Variants in ERCC3 observed in about 807,000 individuals in gnomAD.
ERCC3 encodes the protein general transcription and DNA repair factor IIH helicase/translocase subunit XPB.
A neutral mutation model predicts 94.2 loss-of-function variants in ERCC3; 66 were observed. The ratio of observed to expected loss-of-function variants is 0.70; its 90% CI spans 0.57 to 0.86. ERCC3 has a LOEUF of 0.86. ERCC3 is among the 40% of genes least tolerant of loss of function. The pLI is 0.00. For synonymous variants in ERCC3, 349 were observed against 369.1 expected, an observed-to-expected ratio of 0.95 and a Z score of 0.63; for missense variants, 829 against 987.1, an observed-to-expected ratio of 0.84 and a Z score of 2.15.
chr2:127,259,576 T>C lies in ERCC3; in HGVS notation c.2065-128A>G. ...GCCCAGCCACCCTGGTGGCCAACAATGGAGAGCTCCTCCCTAGCATTCCAG... is the reference window on the plus strand; with the variant it reads ...GCCCAGCCACCCTGGTGGCCAACAACGGAGAGCTCCTCCCTAGCATTCCAG... On this transcript the variant is annotated intron_variant, in intron 13 of 14. Coordinates refer to ENST00000285398, the MANE Select transcript of ERCC3 (RefSeq NM_000122.2). The surrounding 1 kb of genome is among the most constrained non-coding windows in gnomAD (Gnocchi z 4.9). 1 of 1,189,166 alleles carries C rather than the reference T, an allele frequency of 8.4e-7. No individual in the cohort carries two copies. Among genetic ancestry groups the C allele is most frequent in the African/African-American group, 1.5e-5 (1 of 67,210 alleles). The allele number at this position is 1,189,166 out of a possible 1,614,324, so 73.7% of individuals were successfully genotyped here. A position where few individuals can be genotyped will look rare whatever the true frequency, so the allele number is the denominator to read the frequency against.
At chr2:127,266,804 C>T in intron 12 of ERCC3, among the ~76,000 whole-genome samples, 1 of 150,728 alleles carries the variant, frequency 6.6e-6, no homozygotes, top group Non-Finnish European at 1.5e-5. Context: ...CAACCTCTGC[C>T]TCCCGGCTTC....
chr2:127,279,487 T>A lies in ERCC3; in HGVS notation c.1528-112A>T. 2 of 842,130 alleles carry A rather than the reference T, an allele frequency of 2.4e-6. No individual in the cohort carries two copies. The highest frequency in any genetic ancestry group is 4.0e-6 in the Non-Finnish European group (2 of 499,046). 52.2% of individuals were successfully genotyped at this position (842,130 alleles called of 1,614,324 possible). A position where few individuals can be genotyped will look rare whatever the true frequency, so the allele number is the denominator to read the frequency against. On this transcript the variant is annotated intron_variant, in intron 9 of 14. Coordinates refer to ENST00000285398, the MANE Select transcript of ERCC3 (RefSeq NM_000122.2). The surrounding 1 kb of genome is among the most constrained non-coding windows in gnomAD (Gnocchi z 4.7). ...TAGCTTTAAAACAAAACCAGTCAGG[T>A]GCAGTGGCTCATGCCTGTAATGCCA...
chr2:127,281,270 A>G (rs1265979599), intron 8 of ERCC3, among the ~76,000 whole-genome samples: 3 of 152,186 alleles, frequency 2.0e-5, no homozygotes, highest in Non-Finnish European at 4.4e-5. Flanking sequence ...ACCGAGAAGA[A>G]AGCCAAGCCC....
In ERCC3 at chr2:127,280,432, C is replaced by T. The variant is rs2104761736; in HGVS notation, c.1527+15G>A. Reference sequence around the variant, plus strand: ...GAGGCCCTTTCCCAGACGCCCCCAGCCCAGGCCCAGCTACCTCAGCACACT... The same window carrying T: ...GAGGCCCTTTCCCAGACGCCCCCAGTCCAGGCCCAGCTACCTCAGCACACT... On this transcript the variant is annotated intron_variant, in intron 9 of 14. Coordinates refer to ENST00000285398, the MANE Select transcript of ERCC3 (RefSeq NM_000122.2). This position sits in a 1 kb window ranked among gnomAD's most constrained non-coding sequence, Gnocchi z 6.3. 1 of 1,606,462 alleles carries T rather than the reference C, an allele frequency of 6.2e-7. No homozygotes were observed. Among genetic ancestry groups the T allele is most frequent in the South Asian group, 1.1e-5 (1 of 89,854 alleles).
intron 12 of ERCC3, among the ~76,000 whole-genome samples, chr2:127,267,034 A>C (rs960419666): frequency 7.2e-5 from 11 of 152,296 alleles, no homozygotes; most frequent in Admixed American, 6.5e-4. Context: ...CAATCTTAAG[A>C]GTATATTCTG....
chr2:127,258,645 C>A lies in ERCC3; in HGVS notation c.2217+651G>T, dbSNP rs1684095694. Among the ~76,000 whole-genome samples the A allele has an allele frequency of 6.6e-6, 1 of 152,154 alleles. No individual in the cohort carries two copies. Among genetic ancestry groups the A allele is most frequent in the Non-Finnish European group, 1.5e-5 (1 of 68,022 alleles). ...GCTCACCTTCCGGCTCTAATGGCAA[C>A]TGAATTTCAAACGCACCTGACTGAA... is the stretch of plus-strand genomic sequence containing the variant. On this transcript the variant is annotated intron_variant, in intron 14 of 14. Transcript: ENST00000285398. The surrounding 1 kb of genome is among the most constrained non-coding windows in gnomAD (Gnocchi z 4.1).
intron 11 of ERCC3, among the ~76,000 whole-genome samples, chr2:127,272,316 C>T (rs1251879267): frequency 2.0e-5 from 3 of 152,146 alleles, no homozygotes. Flanking sequence ...TGAGCCACCG[C>T]GCCCGGTTGT....
intron 12 of ERCC3, among the ~76,000 whole-genome samples, chr2:127,268,974 C>A (rs935521944): frequency 6.6e-6 from 1 of 150,702 alleles, no homozygotes; most frequent in African/African-American, 2.5e-5. Context: ...CAGTGACAGT[C>A]CGTGACAACT....
In ERCC3 at chr2:127,280,176, C is replaced by T. The variant is rs935041246; in HGVS notation, c.1527+271G>A. 6.6e-6 allele frequency among the ~76,000 whole-genome samples: 1 copy of T among 152,226 alleles called. No individual in the cohort carries two copies. ...TCCCTGTGCCCTGAATGCTAATCCT[C>T]ACCCACAGAAATCCATGACTGGTAA... On this transcript the variant is annotated intron_variant, in intron 9 of 14. Coordinates refer to ENST00000285398, the MANE Select transcript of ERCC3 (RefSeq NM_000122.2). The surrounding 1 kb of genome is among the most constrained non-coding windows in gnomAD (Gnocchi z 6.3).
At chr2:127,269,799 G>A (rs1031360791) in intron 12 of ERCC3, among the ~76,000 whole-genome samples, 1 of 151,868 alleles carries the variant, frequency 6.6e-6, no homozygotes, top group African/African-American at 2.4e-5. Flanking sequence ...GGGAGGCCAA[G>A]GTGGGTGGAT....
At position 127,264,545 on chromosome 2, in the gene ERCC3, T is replaced by G. The variant is rs1327833713; in HGVS notation, c.1946-3199A>C. The stretch of plus-strand genomic sequence containing the variant: ...TTTTTAATTATGTGGTGAATCATAT[T>G]TATTGATTTCCACATGTTGAACCAA... On this transcript the variant is annotated intron_variant, in intron 12 of 14. Transcript: ENST00000285398. The surrounding 1 kb of genome is among the most constrained non-coding windows in gnomAD (Gnocchi z 4.4). Among the ~76,000 whole-genome samples, 1 of 152,230 alleles carries G rather than the reference T, an allele frequency of 6.6e-6. No homozygotes were observed. Among genetic ancestry groups the G allele is most frequent in the Non-Finnish European group, 1.5e-5 (1 of 68,042 alleles).
Position 127,277,833 on chromosome 2 carries a change from G to T in ERCC3, c.1730+1340C>A, listed in dbSNP as rs968761111. On this transcript the variant is annotated intron_variant, in intron 10 of 14. Coordinates refer to ENST00000285398, the MANE Select transcript of ERCC3 (RefSeq NM_000122.2). The surrounding 1 kb of genome is among the most constrained non-coding windows in gnomAD (Gnocchi z 5.1). ...GAATGGTAGGAGAGAAAACAGGAGT[G>T]GGGAGAGTGGTGTATGTAAGAAAGC... 6.6e-6 allele frequency among the ~76,000 whole-genome samples: 1 copy of T among 152,230 alleles called. No homozygotes were observed. The highest frequency in any genetic ancestry group is 2.4e-5 in the African/African-American group (1 of 41,458).
In ERCC3 at chr2:127,276,485, C is replaced by T. The variant is rs143264071; in HGVS notation, c.1730+2688G>A. Among the ~76,000 whole-genome samples the T allele has an allele frequency of 7.6e-4, 116 of 151,856 alleles. 1 individual carries two copies. Among genetic ancestry groups the T allele is most frequent in the African/African-American group, 2.6e-3 (109 of 41,382 alleles). On this transcript the variant is annotated intron_variant, in intron 10 of 14. Transcript: ENST00000285398. ...AAGCTTCAAAAGTTTTCAAAGCCTCCGAGAAGACACTCTATTCACAAACAA... is the reference window on the plus strand; with the variant it reads ...AAGCTTCAAAAGTTTTCAAAGCCTCTGAGAAGACACTCTATTCACAAACAA...
rs1451774861 is a variant in ERCC3 at position 127,258,745 on chromosome 2, T to C, written c.2217+551A>G. Among the ~76,000 whole-genome samples the C allele has an allele frequency of 6.6e-6, 1 of 152,246 alleles. No homozygotes were observed. On this transcript the variant is annotated intron_variant, in intron 14 of 14. Coordinates refer to ENST00000285398, the MANE Select transcript of ERCC3 (RefSeq NM_000122.2). The surrounding 1 kb of genome is among the most constrained non-coding windows in gnomAD (Gnocchi z 4.1). ...TCACTAATTAGACCATATATTTACT[T>C]GGCCTAGAGCAGGCATATTTGTAGA...
Position 127,271,506 on chromosome 2 carries a change from C to G in ERCC3, c.1828-53G>C. ...TATATGAGGAAAAAAAAAAAGTCAACTGATCCAGAATTTAAATAAGTTCTG... is the reference window on the plus strand; with the variant it reads ...TATATGAGGAAAAAAAAAAAGTCAAGTGATCCAGAATTTAAATAAGTTCTG... On this transcript the variant is annotated intron_variant, in intron 11 of 14. Coordinates refer to ENST00000285398, the MANE Select transcript of ERCC3 (RefSeq NM_000122.2). This position sits in a 1 kb window ranked among gnomAD's most constrained non-coding sequence, Gnocchi z 5.0. 8.5e-7 allele frequency: 1 copy of G among 1,174,510 alleles called. No individual in the cohort carries two copies. Among genetic ancestry groups the G allele is most frequent in the Non-Finnish European group, 1.3e-6 (1 of 781,062 alleles). The allele number at this position is 1,174,510 out of a possible 1,614,324, so 72.8% of individuals were successfully genotyped here.
At chr2:127,269,763 G>C (rs1684492231) in intron 12 of ERCC3, among the ~76,000 whole-genome samples, 1 of 148,392 alleles carries the variant, frequency 6.7e-6, no homozygotes, top group South Asian at 2.4e-4. Flanking sequence ...AGGCACAGTG[G>C]CTCACACCTG....
chr2:127,288,857 A>C lies in ERCC3; in HGVS notation c.830T>G (p.Ile277Ser). The C allele has an allele frequency of 6.2e-7, 1 of 1,613,278 alleles. No homozygotes were observed. Among genetic ancestry groups the C allele is most frequent in the Non-Finnish European group, 8.5e-7 (1 of 1,179,456 alleles). ...GATGCAACGTTTCTGGAGTTCCTCA[A>C]TCATTTCCTGGAAAGAGGGCACAAA... ...TVSFEVKQEM[I>S]EELQKRCIHL... is the part of the protein sequence containing the mutation. Residue 277 changes from isoleucine to serine, a missense_variant, in exon 7 of 15, where the codon ATT becomes AGT. Transcript: ENST00000285398.
At chr2:127,269,560 T>C (rs1278043620) in intron 12 of ERCC3, among the ~76,000 whole-genome samples, 2 of 151,082 alleles carry the variant, frequency 1.3e-5, no homozygotes, top group Non-Finnish European at 3.0e-5. Flanking sequence ...TAGCTGGGAC[T>C]ACAGGCACCC....
At position 127,272,925 on chromosome 2, in the gene ERCC3, C is replaced by T; in HGVS notation, c.1767G>A (p.Arg589=). ...GCTTGAAATTCTGGAGAATTTGCATCCTTTCCCCCTGAGACGTAGGTCCGT... is the reference window on the plus strand; with the variant it reads ...GCTTGAAATTCTGGAGAATTTGCATTCTTTCCCCCTGAGACGTAGGTCCGT... ...YIYGPTSQGE[R]MQILQNFKHN... is the part of the protein sequence containing the mutation. The change falls in exon 11 of 15, where the codon AGG becomes AGA. Residue 589 remains arginine (R), a synonymous_variant. Coordinates refer to ENST00000285398, the MANE Select transcript of ERCC3 (RefSeq NM_000122.2). The T allele has an allele frequency of 6.2e-7, 1 of 1,613,516 alleles. No homozygotes were observed.
Sources: gnomAD v4.1 joint callset for allele counts (sites outside exome capture counted in the v4.1 genomes callset) on GRCh38, gnomAD v4.1.1 for gene constraint, Gnocchi (gnomAD v3.1) non-coding constraint, MANE v1.5 for transcripts, NCBI Gene and HGNC (gene_info 2026-07-23, HGNC 2026-07-21) for gene names.